FOXK2: variants seen among roughly 807,000 people sequenced by gnomAD.
FOXK2 encodes the protein forkhead box K2, also known as forkhead box protein K2.
FOXK2 carries 24 observed loss-of-function variants against 53.3 expected under a neutral mutation model. That is an observed-to-expected ratio of 0.45 (90% CI 0.33 to 0.63). The LOEUF is 0.63. Ranked by LOEUF, FOXK2 falls within the 30% of genes least tolerant of loss-of-function variation. The probability of loss-of-function intolerance (pLI) is 0.03; values close to 1 mark genes in which losing one functional copy is unlikely to be tolerated. For missense variants in FOXK2, 952 were observed against 910.5 expected, an observed-to-expected ratio of 1.05 and a Z score of -0.59; for synonymous variants, 505 against 407.1, an observed-to-expected ratio of 1.24 and a Z score of -2.89.
At chr17:82,588,886 T>TGA (rs1555643135) in intron 8 of FOXK2, among the ~76,000 whole-genome samples, 1 of 122,060 alleles carries the variant, frequency 8.2e-6, no homozygotes, top group Admixed American at 8.7e-5. Flanking sequence ...CCATTTCTAC[T>TGA]AAAAAAAAAA....
chr17:82,593,131 G>A lies in FOXK2; in HGVS notation c.1786+5859G>A, dbSNP rs1280392156. Among the ~76,000 whole-genome samples the A allele has an allele frequency of 8.6e-5, 13 of 150,628 alleles. 1 individual carries two copies. The highest frequency in any genetic ancestry group is 2.6e-4 in the Admixed American group (4 of 15,124). ...GGCTCTTATTCTGAAAGCAGACCCC[G>A]TGAAGGTCTCCCTGCACCGGGCACA... On this transcript the variant is annotated intron_variant, in intron 8 of 8. Coordinates refer to ENST00000335255, the MANE Select transcript of FOXK2 (RefSeq NM_004514.4).
At chr17:82,533,821 GTAGGTTAGCTGGGCCTGGCACAGC>G (rs1183471761) in intron 1 of FOXK2, among the ~76,000 whole-genome samples, 1 of 151,656 alleles carries the variant, frequency 6.6e-6, no homozygotes, top group Non-Finnish European at 1.5e-5. Flanking sequence ...ACGCACAGCT[GTAGGTTAGCTGGGCCTGGCACAGC>G]TAGGTTAGCT....
At chr17:82,590,114 T>G (rs542390897) in intron 8 of FOXK2, among the ~76,000 whole-genome samples, 12 of 152,166 alleles carry the variant, frequency 7.9e-5, no homozygotes, top group African/African-American at 2.9e-4. Flanking sequence ...TCCCATAGTT[T>G]TCATCCCCAA....
intron 1 of FOXK2, among the ~76,000 whole-genome samples, chr17:82,522,665 C>CT (rs1232419162): frequency 7.2e-5 from 11 of 151,926 alleles, no homozygotes; most frequent in African/African-American, 2.4e-4. Context: ...GCCACTGTGC[C>CT]TGGCCCGATT....
intron 7 of FOXK2, among the ~76,000 whole-genome samples, chr17:82,586,548 C>CCAGGGGGGAAA (rs113255929): frequency 1.7e-5 from 1 of 57,544 alleles, no homozygotes; most frequent in Admixed American, 1.7e-4. Flanking sequence ...CAAAGGTAGG[C>CCAGGGGGGAAA]GGAGGGGAAA....
chr17:82,568,318 G>A (rs371078304), intron 3 of FOXK2, 117 bp downstream of exon 3: 16 of 1,253,312 alleles, frequency 1.3e-5, no homozygotes, highest in Admixed American at 4.7e-5. Flanking sequence ...CCAGGGCATC[G>A]GTGGGGATGT....
intron 8 of FOXK2, among the ~76,000 whole-genome samples, chr17:82,588,886 T>TAAA (rs71369024): frequency 1.0e-3 from 123 of 122,036 alleles, no homozygotes; most frequent in East Asian, 1.4e-3. Context: ...CCATTTCTAC[T>TAAA]AAAAAAAAAA....
intron 1 of FOXK2, among the ~76,000 whole-genome samples, chr17:82,537,386 G>C (rs1296559237): frequency 2.6e-5 from 4 of 152,066 alleles, no homozygotes; most frequent in South Asian, 2.1e-4. Flanking sequence ...GGTGGCTCAC[G>C]CCTGAAATCC....
intron 7 of FOXK2, among the ~76,000 whole-genome samples, chr17:82,586,799 G>A (rs934698172): frequency 2.6e-5 from 4 of 152,056 alleles, no homozygotes; most frequent in Admixed American, 2.0e-4. Flanking sequence ...TACTCGGGAG[G>A]CTGAGGCGGG....
chr17:82,534,317 T>C lies in FOXK2; in HGVS notation c.419+14010T>C, dbSNP rs115359864. ...AAGCCTGGCTGCACATGGACAAAAT[T>C]TCTTGTGATTGAATAAAAATGTTCT... On this transcript the variant is annotated intron_variant, in intron 1 of 8. Coordinates refer to ENST00000335255, the MANE Select transcript of FOXK2 (RefSeq NM_004514.4). Among the ~76,000 whole-genome samples, 796 of 152,208 alleles carry C rather than the reference T, an allele frequency of 5.2e-3. 5 individuals are homozygous for C. Among genetic ancestry groups the C allele is most frequent in the African/African-American group, 0.018 (760 of 41,540 alleles).
At chr17:82,577,513 C>T (rs2045003481) in intron 4 of FOXK2, 3 of 250,822 alleles carry the variant, frequency 1.2e-5, no homozygotes, top group Non-Finnish European at 7.7e-6. Flanking sequence ...CCAGTCAGGG[C>T]AGCACCTGCG....
intron 1 of FOXK2, among the ~76,000 whole-genome samples, chr17:82,547,930 T>C (rs560638284): frequency 8.9e-4 from 136 of 152,210 alleles, no homozygotes; most frequent in Non-Finnish European, 1.6e-3. Context: ...TTGAGGTTCA[T>C]CAGTGTTACT....
intron 1 of FOXK2, among the ~76,000 whole-genome samples, chr17:82,535,748 G>GTTTTTTTTTTTTTTTT (rs138654812): frequency 7.1e-6 from 1 of 140,108 alleles, no homozygotes. Context: ...GTGTGTTTTT[G>GTTTTTTTTTTTTTTTT]TTTTTGTTTT....
At chr17:82,593,179 C>G (rs986053630) in intron 8 of FOXK2, among the ~76,000 whole-genome samples, 2 of 148,792 alleles carry the variant, frequency 1.3e-5, no homozygotes, top group Non-Finnish European at 3.0e-5. Flanking sequence ...GAAAGCAGAC[C>G]CAGTGAAGGT....
In FOXK2 at chr17:82,544,251, A is replaced by G. The variant is rs546007525; in HGVS notation, c.420-19103A>G. Among the ~76,000 whole-genome samples the G allele has an allele frequency of 9.8e-5, 15 of 152,290 alleles. No individual in the cohort carries two copies. The East Asian group carries it at 2.3e-3, about 24-fold the overall frequency. On this transcript the variant is annotated intron_variant, in intron 1 of 8. Coordinates refer to ENST00000335255, the MANE Select transcript of FOXK2 (RefSeq NM_004514.4). ...GAAAATTCTTTGGCTTTTACATTTT[A>G]TGCCATGTGCATTTATCATCTGTTA...
At chr17:82,566,792 CAG>C (rs1451232330) in intron 2 of FOXK2, among the ~76,000 whole-genome samples, 4 of 152,284 alleles carry the variant, frequency 2.6e-5, no homozygotes, top group African/African-American at 4.8e-5. Context: ...AGACCTTTGT[CAG>C]GGGGAACCCA....
chr17:82,568,019 A>G, intron 2 of FOXK2, 35 bp from the exon 3 acceptor site: 1 of 1,567,100 alleles, frequency 6.4e-7, no homozygotes. Flanking sequence ...GTGCACTGTG[A>G]TAGACTAATA....
intron 1 of FOXK2, among the ~76,000 whole-genome samples, chr17:82,546,306 G>A (rs955974598): frequency 4.0e-5 from 6 of 151,786 alleles, no homozygotes; most frequent in South Asian, 2.1e-4. Context: ...TGGTAGAGAC[G>A]GGATTTCGCC....
chr17:82,592,887 C>T (rs905518179), intron 8 of FOXK2, among the ~76,000 whole-genome samples: 1 of 151,902 alleles, frequency 6.6e-6, no homozygotes, highest in African/African-American at 2.4e-5. Context: ...CCGTGAAGGT[C>T]TCCCTGTGCC....
Sources: gnomAD v4.1 joint callset for allele counts (sites outside exome capture counted in the v4.1 genomes callset) on GRCh38, gnomAD v4.1.1 for gene constraint, MANE v1.5 for transcripts, NCBI Gene and HGNC (gene_info 2026-07-23, HGNC 2026-07-21) for gene names.